GRIK1: variants seen among roughly 807,000 people sequenced by gnomAD.
GRIK1 encodes glutamate receptor ionotropic, kainate 1.
Under a neutral mutation model 105.7 loss-of-function variants are expected in GRIK1, and 69 were observed. The observed-to-expected ratio is 0.65, with a 90% confidence interval of 0.54 to 0.80. The LOEUF is 0.80. Among genes scored for constraint, GRIK1 ranks in the 30% least tolerant of loss-of-function variants. The pLI, the probability that GRIK1 is intolerant of heterozygous loss-of-function variation, is 0.00. For synonymous variants in GRIK1, 438 were observed against 431.3 expected (o/e 1.02, Z -0.19); for missense variants, 1,109 against 1,167.3 (o/e 0.95, Z 0.73).
chr21:29,647,034 CA>C (rs998634403), intron 6 of GRIK1, among the ~76,000 whole-genome samples: 72 of 152,150 alleles, frequency 4.7e-4, no homozygotes, highest in African/African-American at 1.7e-3. Flanking sequence ...TTAGTAGAGA[CA>C]AAGTTTCACC....
At chr21:29,761,508 C>A (rs2065518614) in intron 1 of GRIK1, 1 of 151,754 alleles carries the variant, frequency 6.6e-6, no homozygotes, top group Non-Finnish European at 1.5e-5. Context: ...TAACTTTCAA[C>A]AAGAAAACCA....
At chr21:29,685,083 A>C (rs570488020) in intron 3 of GRIK1, among the ~76,000 whole-genome samples, 20 of 152,258 alleles carry the variant, frequency 1.3e-4, no homozygotes, top group African/African-American at 4.8e-4. Flanking sequence ...ATACACTAAG[A>C]CACTATCTGT....
At chr21:29,714,053 T>A (rs1314044561) in intron 1 of GRIK1, among the ~76,000 whole-genome samples, 2 of 152,220 alleles carry the variant, frequency 1.3e-5, no homozygotes, top group Non-Finnish European at 2.9e-5. Context: ...CGAGAAGCAG[T>A]GGGGAAATAG....
intron 1 of GRIK1, among the ~76,000 whole-genome samples, chr21:29,839,390 T>C (rs1047646981): frequency 2.6e-5 from 4 of 152,148 alleles, no homozygotes; most frequent in Admixed American, 2.6e-4. Context: ...GCTTTGTCCA[T>C]AAAGTTACTC....
chr21:29,918,032 AATAG>A (rs1269841133), intron 1 of GRIK1, among the ~76,000 whole-genome samples: 2 of 152,034 alleles, frequency 1.3e-5, no homozygotes, highest in African/African-American at 2.4e-5. Context: ...TGAGTGGATA[AATAG>A]ATAGATTAAT....
chr21:29,569,065 C>G (rs943767795), intron 14 of GRIK1, among the ~76,000 whole-genome samples: 8 of 152,192 alleles, frequency 5.3e-5, no homozygotes, highest in Non-Finnish European at 1.0e-4. Context: ...CTGGCCAGGC[C>G]TCCAAAAATC....
At chr21:29,582,257 C>T (rs1002025847) in intron 12 of GRIK1, 1 of 453,866 alleles carries the variant, frequency 2.2e-6, no homozygotes, top group Admixed American at 2.4e-5. Flanking sequence ...GCATGCCTCA[C>T]TGCAGAATTT....
intron 1 of GRIK1, among the ~76,000 whole-genome samples, chr21:29,697,928 C>CTTTCTTTCTT (rs1555874556): frequency 0.031 from 4,556 of 145,898 alleles, 99 homozygotes; most frequent in Non-Finnish European, 0.049. Context: ...CTCTCTCTCT[C>CTTTCTTTCTT]TCTTTCTTTC....
chr21:29,646,238 T>G (rs1456257932), intron 6 of GRIK1, among the ~76,000 whole-genome samples: 2 of 152,288 alleles, frequency 1.3e-5, no homozygotes, highest in South Asian at 2.1e-4. Flanking sequence ...GGGAGCTCCA[T>G]GCCTATGTGA....
At chr21:29,633,076 G>C (rs771382352) in intron 7 of GRIK1, among the ~76,000 whole-genome samples, 41 of 152,220 alleles carry the variant, frequency 2.7e-4, no homozygotes, top group Non-Finnish European at 5.3e-4. Context: ...CTTATAAAGG[G>C]GCTGGAGGGA....
chr21:29,593,096 G>A (rs2061355673), intron 9 of GRIK1, among the ~76,000 whole-genome samples: 1 of 152,128 alleles, frequency 6.6e-6, no homozygotes, highest in African/African-American at 2.4e-5. Context: ...AAAGTTTCAA[G>A]GACTATTACA....
chr21:29,723,802 C>T (rs1264409728), intron 1 of GRIK1, among the ~76,000 whole-genome samples: 1 of 151,828 alleles, frequency 6.6e-6, no homozygotes, highest in Non-Finnish European at 1.5e-5. Context: ...TTTGGAACTC[C>T]AATATTGTTT....
At chr21:29,614,954 G>A (rs1031962394) in intron 7 of GRIK1, among the ~76,000 whole-genome samples, 1 of 151,490 alleles carries the variant, frequency 6.6e-6, no homozygotes, top group African/African-American at 2.5e-5. Flanking sequence ...GCATCACAAA[G>A]GCAGGGATGG....
chr21:29,634,014 G>A (rs2062342003), intron 7 of GRIK1, among the ~76,000 whole-genome samples: 3 of 152,152 alleles, frequency 2.0e-5, no homozygotes, highest in South Asian at 2.1e-4. Flanking sequence ...TGAAGACACA[G>A]TAGGATAAAA....
intron 7 of GRIK1, among the ~76,000 whole-genome samples, chr21:29,623,623 TA>T: frequency 6.6e-6 from 1 of 152,208 alleles, no homozygotes; most frequent in Non-Finnish European, 1.5e-5. Flanking sequence ...AAATCCAGCT[TA>T]AAAATACCCT....
At chr21:29,767,027 C>A (rs188722753) in intron 1 of GRIK1, among the ~76,000 whole-genome samples, 215 of 152,234 alleles carry the variant, frequency 1.4e-3, no homozygotes, top group Non-Finnish European at 1.6e-3. Flanking sequence ...CTAGCACTTT[C>A]CTGAGTCTGC....
At chr21:29,560,931 T>C (rs191058062) in intron 15 of GRIK1, among the ~76,000 whole-genome samples, 3 of 151,968 alleles carry the variant, frequency 2.0e-5, no homozygotes, top group Admixed American at 1.3e-4. Flanking sequence ...AGGGAAAAAA[T>C]AGAGAGGGAG....
chr21:29,795,227 G>A (rs1446863826), intron 1 of GRIK1, among the ~76,000 whole-genome samples: 3 of 151,656 alleles, frequency 2.0e-5, no homozygotes, highest in African/African-American at 4.9e-5. Flanking sequence ...GTAGAGATGG[G>A]GTTTCACCAT....
At chr21:29,894,360 C>G (rs1569197312) in intron 1 of GRIK1, among the ~76,000 whole-genome samples, 1 of 152,126 alleles carries the variant, frequency 6.6e-6, no homozygotes, top group East Asian at 1.9e-4. Context: ...TGGAAAACCA[C>G]TGGTATCAGT....
Sources: gnomAD v4.1 joint callset for allele counts (sites outside exome capture counted in the v4.1 genomes callset) on GRCh38, gnomAD v4.1.1 for gene constraint, MANE v1.5 for transcripts, NCBI Gene and HGNC (gene_info 2026-07-23, HGNC 2026-07-21) for gene names.